Variants in SPATA2 observed in about 807,000 individuals in gnomAD.
SPATA2 encodes spermatogenesis associated 2.
Under a neutral mutation model 35.4 loss-of-function variants are expected in SPATA2, and 8 were observed. The observed-to-expected ratio is 0.23, with a 90% CI of 0.13 to 0.41. SPATA2 has a LOEUF of 0.41. SPATA2 is among the 10% of genes least tolerant of loss of function. The pLI, the probability that SPATA2 is intolerant of heterozygous loss-of-function variation, is 1.00. For synonymous variants in SPATA2, 293 were observed against 300.9 expected (o/e 0.97, Z 0.27); for missense variants, 650 against 698.7 (o/e 0.93, Z 0.79).
At chr20:49,908,125 G>T (rs779453386) in intron 2 of SPATA2, 30 bp downstream of exon 2, 1 of 1,563,092 alleles carries the variant, frequency 6.4e-7, no homozygotes, top group South Asian at 1.2e-5. Flanking sequence ...GAGAAGGAGG[G>T]CCTGTATGGA....
Position 49,904,770 on chromosome 20 carries a change from C to A in SPATA2, c.*849G>T, listed in dbSNP as rs1180120219. ...GGCCCTCCCTTGGAAGACTAAAGAA[C>A]CCAGGGCATTTAATAAATAGCTACA... On this transcript the variant is annotated 3_prime_UTR_variant, in exon 3 of 3. Transcript: ENST00000289431. 6.6e-6 allele frequency: 1 copy of A among 152,666 alleles called. No individual in the cohort carries two copies. The highest frequency in any genetic ancestry group is 2.4e-5 in the African/African-American group (1 of 41,456). The allele number at this position is 152,666 out of a possible 1,614,324, so 9.5% of individuals were successfully genotyped here. A position where few individuals can be genotyped will look rare whatever the true frequency, so the allele number is the denominator to read the frequency against.
chr20:49,906,783 G>A lies in SPATA2; in HGVS notation c.399C>T (p.Ala133=), dbSNP rs2090148057. The A allele has an allele frequency of 2.5e-6, 4 of 1,613,830 alleles. No individual in the cohort carries two copies. The change falls in exon 3 of 3, where the codon GCC becomes GCT. Residue 133 remains alanine (A), a synonymous_variant. Transcript: ENST00000289431. This position sits in a 1 kb window ranked among gnomAD's most constrained non-coding sequence, Gnocchi z 8.2. ...KSTLLEEDIR[A]ILSCMGYTPE... ...GTGTGTAGCCCATGCAGCTCAGGAT[G>A]GCTCGGATGTCCTCTTCCAGTAATG...
chr20:49,908,208 C>T lies in SPATA2; in HGVS notation c.283G>A (p.Val95Met), dbSNP rs199990371. 8.7e-6 allele frequency: 14 copies of T among 1,613,664 alleles called. No individual in the cohort carries two copies. In the East Asian group the frequency reaches 2.9e-4, roughly 33 times the overall value. Reference sequence around the variant, plus strand: ...GGGTAGAGGAAGAGGTTGATGCCCACCGTCTCCAGCATGCTGAAGGCGCCG... The same window carrying T: ...GGGTAGAGGAAGAGGTTGATGCCCATCGTCTCCAGCATGCTGAAGGCGCCG... ...LHGAFSMLETVGINLFLYPWK... is the reference protein window; with the variant it reads ...LHGAFSMLETMGINLFLYPWK... Residue 95 changes from valine to methionine, a missense_variant, in exon 2 of 3, where the codon GTG (valine) becomes ATG (methionine). By Grantham distance (21) the Val-to-Met change is conservative. Coordinates refer to ENST00000289431, the MANE Select transcript of SPATA2 (RefSeq NM_006038.4).
chr20:49,909,274 T>C (rs2769979), intron 1 of SPATA2, among the ~76,000 whole-genome samples: 79,040 of 151,690 alleles, frequency 0.52, 21,016 homozygotes, highest in East Asian at 0.78. Context: ...CCACCAGCCT[T>C]GGCCTCCCAA....
chr20:49,909,703 C>A (rs1202109758), intron 1 of SPATA2, among the ~76,000 whole-genome samples: 1 of 152,178 alleles, frequency 6.6e-6, no homozygotes, highest in East Asian at 1.9e-4. Context: ...GGAACAGTAA[C>A]AGAACTGCAG....
rs374830291 is a variant in SPATA2, at chr20:49,903,902, GATATATATATAT to G, written c.*1705_*1716del. 725 of 96,904 alleles carry G rather than the reference GATATATATATAT, an allele frequency of 7.5e-3. 3 individuals are homozygous for G. Among genetic ancestry groups the G allele is most frequent in the African/African-American group, 0.012 (255 of 21,354 alleles). 6.0% of individuals were successfully genotyped at this position (96,904 alleles called of 1,614,324 possible). A position where few individuals can be genotyped will look rare whatever the true frequency, so the allele number is the denominator to read the frequency against. On this transcript the variant is annotated 3_prime_UTR_variant, in exon 3 of 3. Transcript: ENST00000289431. ...ACATCTACATGTGATCTACCAGATA[GATATATATATAT>G]ATATATATATATATATATATATATA...
Position 49,908,235 on chromosome 20 carries a change from G to C in SPATA2, c.256C>G (p.His86Asp). The C allele has an allele frequency of 6.2e-7, 1 of 1,614,118 alleles. No individual in the cohort carries two copies. Among genetic ancestry groups the C allele is most frequent in the Non-Finnish European group, 8.5e-7 (1 of 1,180,028 alleles). ...GTCTCCAGCATGCTGAAGGCGCCGT[G>C]CAGAGCCCGCAGGCTAGAGGAGCTG... ...SLSSSSLRAL[H>D]GAFSMLETVG... Residue 86 changes from histidine to aspartate, a missense_variant, in exon 2 of 3, where the codon CAC becomes GAC. Physicochemically the swap from His to Asp is moderately conservative, Grantham distance 81 (BLOSUM62 -1). Transcript: ENST00000289431.
chr20:49,914,030 GAA>G (rs76188301), intron 1 of SPATA2, among the ~76,000 whole-genome samples: 44,186 of 141,514 alleles, frequency 0.31, 7,252 homozygotes, highest in African/African-American at 0.42. Context: ...CAGTCTGGTG[GAA>G]AAAAAAAAAA....
rs1400663074 is a variant in SPATA2 at position 49,903,898 on chromosome 20, G to GATAGAT, written c.*1715_*1720dup. The GATAGAT allele has an allele frequency of 1.2e-5, 1 of 86,132 alleles. No individual in the cohort carries two copies. The highest frequency in any genetic ancestry group is 3.7e-4 in the South Asian group (1 of 2,696). The allele number at this position is 86,132 out of a possible 1,614,324, so 5.3% of individuals were successfully genotyped here. ...CTGTACATCTACATGTGATCTACCA[G>GATAGAT]ATAGATATATATATATATATATATA... On this transcript the variant is annotated 3_prime_UTR_variant, in exon 3 of 3. Coordinates refer to ENST00000289431, the MANE Select transcript of SPATA2 (RefSeq NM_006038.4).
chr20:49,913,467 G>A (rs1296791779), intron 1 of SPATA2: 1 of 152,218 alleles, frequency 6.6e-6, no homozygotes, highest in African/African-American at 2.4e-5. Flanking sequence ...AGGAAACTGA[G>A]GCTCGGAGAG....
intron 1 of SPATA2, among the ~76,000 whole-genome samples, chr20:49,910,882 A>G (rs146149178): frequency 6.6e-6 from 1 of 152,330 alleles, no homozygotes; most frequent in African/African-American, 2.4e-5. Flanking sequence ...GCCCAGTGCT[A>G]CAGTGACAAA....
Position 49,908,215 on chromosome 20 carries a change from C to T in SPATA2, c.276G>A (p.Leu92=). 1 of 1,613,926 alleles carries T rather than the reference C, an allele frequency of 6.2e-7. No individual in the cohort carries two copies. The highest frequency in any genetic ancestry group is 8.5e-7 in the Non-Finnish European group (1 of 1,179,976). ...GGAAGAGGTTGATGCCCACCGTCTC[C>T]AGCATGCTGAAGGCGCCGTGCAGAG... ...LRALHGAFSM[L]ETVGINLFLY... The change falls in exon 2 of 3, where the codon CTG becomes CTA. Residue 92 remains leucine (L), a synonymous_variant. Coordinates refer to ENST00000289431, the MANE Select transcript of SPATA2 (RefSeq NM_006038.4).
At position 49,903,994 on chromosome 20, in the gene SPATA2, C is replaced by T. The variant is rs1158784271; in HGVS notation, c.*1625G>A. 6.8e-6 allele frequency: 1 copy of T among 147,870 alleles called. No individual in the cohort carries two copies. Among genetic ancestry groups the T allele is most frequent in the African/African-American group, 2.5e-5 (1 of 39,604 alleles). 9.2% of individuals were successfully genotyped at this position (147,870 alleles called of 1,614,324 possible). A position where few individuals can be genotyped will look rare whatever the true frequency, so the allele number is the denominator to read the frequency against. On this transcript the variant is annotated 3_prime_UTR_variant, in exon 3 of 3. Transcript: ENST00000289431. ...GAAGATTTGGAAAACCTTAAAATCA[C>T]TCAACTGAGTTGGAAGAACATCAGC...
Position 49,905,263 on chromosome 20 carries a change from G to A in SPATA2, c.*356C>T, listed in dbSNP as rs2090133229. On this transcript the variant is annotated 3_prime_UTR_variant, in exon 3 of 3. Transcript: ENST00000289431. ...GTTGGCTTTGCAATGGGAGGGGTAG[G>A]TGCAGCGAGGGTCCCAGAGACAGAA... The A allele has an allele frequency of 4.1e-6, 1 of 243,388 alleles. No homozygotes were observed. The highest frequency in any genetic ancestry group is 8.1e-6 in the Non-Finnish European group (1 of 123,190). 15.1% of individuals were successfully genotyped at this position (243,388 alleles called of 1,614,324 possible).
intron 1 of SPATA2, among the ~76,000 whole-genome samples, chr20:49,909,068 G>C (rs1371713391): frequency 1.3e-5 from 2 of 152,186 alleles, no homozygotes; most frequent in Non-Finnish European, 2.9e-5. Context: ...TGTAGCCCAG[G>C]CTGGAGTGCA....
Position 49,906,478 on chromosome 20 carries a change from C to G in SPATA2, c.704G>C (p.Ser235Thr), listed in dbSNP as rs1393966984. 3.1e-6 allele frequency: 5 copies of G among 1,611,264 alleles called. No homozygotes were observed. The highest frequency in any genetic ancestry group is 4.2e-6 in the Non-Finnish European group (5 of 1,179,914). The change falls in exon 3 of 3, where the codon AGC becomes ACC. Residue 235 changes from serine (S) to threonine (T), a missense_variant. Ser to Thr is a moderately conservative substitution (Grantham distance 58, BLOSUM62 1). Transcript: ENST00000289431. The surrounding 1 kb of genome is among the most constrained non-coding windows in gnomAD (Gnocchi z 8.2). ...MSRVALQKSA[S>T]ERAAKDYYKP... ...GTAGTAGTCCTTGGCCGCCCGCTCG[C>G]TGGCCGACTTCTGGAGTGCCACTCG...
intron 2 of SPATA2, among the ~76,000 whole-genome samples, chr20:49,907,602 C>A (rs2146830789): frequency 6.8e-6 from 1 of 147,996 alleles, no homozygotes. Flanking sequence ...TCTTGATTAC[C>A]ACTCCTCCCA....
At chr20:49,907,203 G>C (rs1023774829) in intron 2 of SPATA2, among the ~76,000 whole-genome samples, 1 of 152,180 alleles carries the variant, frequency 6.6e-6, no homozygotes, top group African/African-American at 2.4e-5. Flanking sequence ...TGGGATTACA[G>C]GCGCCCGCCA....
chr20:49,906,058 G>C lies in SPATA2; in HGVS notation c.1124C>G (p.Ala375Gly). 1 of 1,606,426 alleles carries C rather than the reference G, an allele frequency of 6.2e-7. No individual in the cohort carries two copies. Among genetic ancestry groups the C allele is most frequent in the Admixed American group, 1.7e-5 (1 of 59,992 alleles). The change falls in exon 3 of 3, where the codon GCC (alanine) becomes GGC (glycine). Residue 375 changes from alanine (A) to glycine (G), a missense_variant. Transcript: ENST00000289431. The surrounding 1 kb of genome is among the most constrained non-coding windows in gnomAD (Gnocchi z 8.2). ...GCACTTGGAGAGGGCGGACTCTTTG[G>C]CAGGGGGCGAGCGCTTGTGGTAGAG... ...HSLYHKRSPPAKESALSKCQS... is the reference protein window; with the variant it reads ...HSLYHKRSPPGKESALSKCQS...
Sources: allele counts gnomAD v4.1 joint callset (sites outside exome capture counted in the v4.1 genomes callset), GRCh38; gene constraint gnomAD v4.1.1; non-coding constraint Gnocchi (gnomAD v3.1); transcripts MANE v1.5; gene names NCBI Gene and HGNC (gene_info 2026-07-23, HGNC 2026-07-21).